The following MTUS1 variants were observed in gnomAD, a reference collection of about 807,000 sequenced individuals.
MTUS1 encodes microtubule associated scaffold protein 1, also known as microtubule-associated tumor suppressor 1.
MTUS1 carries 109 observed loss-of-function variants against 120.8 expected under a neutral mutation model. That is an observed-to-expected ratio of 0.90 (90% CI 0.77 to 1.06). MTUS1 has a LOEUF of 1.06. MTUS1 is among the 50% of genes least tolerant of loss of function. The pLI, the probability that MTUS1 is intolerant of heterozygous loss-of-function variation, is 0.00. For missense variants in MTUS1, 2,210 were observed against 1,486.3 expected (o/e 1.49, Z -8.01); for synonymous variants, 737 against 550.5 (o/e 1.34, Z -4.74).
chr8:17,791,707 C>T (rs1485790673), intron 1 of MTUS1, among the ~76,000 whole-genome samples: 2 of 152,140 alleles, frequency 1.3e-5, no homozygotes, highest in Non-Finnish European at 2.9e-5. Flanking sequence ...AAATCAATTC[C>T]TCCTAAGGAA....
chr8:17,778,746 T>C (rs890216259), intron 1 of MTUS1, among the ~76,000 whole-genome samples: 1 of 151,692 alleles, frequency 6.6e-6, no homozygotes, highest in African/African-American at 2.4e-5. Flanking sequence ...GAGGGGGAGG[T>C]TGCAGTGAGC....
At chr8:17,646,279 T>A in intron 14 of MTUS1, 140 bp from the exon 15 acceptor site, 1 of 1,007,756 alleles carries the variant, frequency 9.9e-7, no homozygotes, top group South Asian at 1.8e-5. Context: ...TCACAGGTAT[T>A]TGGCTGGCTA....
intron 1 of MTUS1, among the ~76,000 whole-genome samples, chr8:17,765,114 G>A (rs897969776): frequency 4.6e-5 from 7 of 152,084 alleles, no homozygotes; most frequent in South Asian, 4.1e-4. Flanking sequence ...TAGATACCTC[G>A]CATGCACAGT....
chr8:17,681,716 T>C (rs17633543), intron 7 of MTUS1: 9,171 of 154,808 alleles, frequency 0.059, 482 homozygotes, highest in East Asian at 0.24. Flanking sequence ...CATCTGGGCA[T>C]GATAATAACA....
intron 3 of MTUS1, among the ~76,000 whole-genome samples, chr8:17,728,812 A>C (rs2979776): frequency 0.49 from 74,375 of 151,762 alleles, 18,620 homozygotes; most frequent in Middle Eastern, 0.66. Context: ...AGGCTTTTTT[A>C]GCATTTACAT....
chr8:17,718,284 C>A (rs1173553731), intron 4 of MTUS1, among the ~76,000 whole-genome samples: 1 of 152,126 alleles, frequency 6.6e-6, no homozygotes, highest in South Asian at 2.1e-4. Context: ...GTCATTATAT[C>A]CAAACAATAA....
At chr8:17,750,227 G>A (rs544903087) in intron 2 of MTUS1, among the ~76,000 whole-genome samples, 1 of 152,168 alleles carries the variant, frequency 6.6e-6, no homozygotes, top group Non-Finnish European at 1.5e-5. Flanking sequence ...ACAGCTGGAG[G>A]TCATGTTTTG....
intron 1 of MTUS1, among the ~76,000 whole-genome samples, chr8:17,760,716 T>C (rs950078010): frequency 3.3e-5 from 5 of 151,738 alleles, no homozygotes; most frequent in Non-Finnish European, 7.4e-5. Flanking sequence ...TTGCTATTTG[T>C]AAAGCCTTCA....
chr8:17,665,743 G>C (rs1362890798), intron 8 of MTUS1, among the ~76,000 whole-genome samples: 1 of 152,210 alleles, frequency 6.6e-6, no homozygotes, highest in African/African-American at 2.4e-5. Context: ...CTGAGATGTA[G>C]AAGACAAAGT....
chr8:17,721,898 T>C, intron 4 of MTUS1: 1 of 1,612,592 alleles, frequency 6.2e-7, no homozygotes, highest in Non-Finnish European at 8.5e-7. Flanking sequence ...CCTGGTACAG[T>C]CATTTAAAAG....
intron 6 of MTUS1, among the ~76,000 whole-genome samples, chr8:17,689,510 C>G (rs1192654252): frequency 2.6e-5 from 4 of 152,172 alleles, no homozygotes; most frequent in African/African-American, 9.6e-5. Context: ...TTGCCCTAAA[C>G]TATTTTCCAT....
intron 4 of MTUS1, among the ~76,000 whole-genome samples, chr8:17,720,197 T>G (rs2045720626): frequency 6.6e-6 from 1 of 151,896 alleles, no homozygotes; most frequent in Non-Finnish European, 1.5e-5. Flanking sequence ...ATACAAAAAT[T>G]AGCCGGGCAT....
intron 6 of MTUS1, among the ~76,000 whole-genome samples, chr8:17,690,133 G>T (rs1563208381): frequency 1.3e-5 from 2 of 152,068 alleles, no homozygotes; most frequent in African/African-American, 4.8e-5. Context: ...ATTTGACAAA[G>T]ATCTAATATT....
chr8:17,736,048 C>A (rs1046188988), intron 3 of MTUS1, among the ~76,000 whole-genome samples: 3 of 152,186 alleles, frequency 2.0e-5, no homozygotes, highest in African/African-American at 7.2e-5. Context: ...TTTGCTTAAT[C>A]CTGTTTGTAG....
At position 17,648,874 on chromosome 8, in the gene MTUS1, G is replaced by T. The variant is rs139045808; in HGVS notation, c.3501+972C>A. 5.9e-3 allele frequency among the ~76,000 whole-genome samples: 892 copies of T among 152,346 alleles called. 1 individual carries two copies. Among genetic ancestry groups the T allele is most frequent in the Non-Finnish European group, 9.6e-3 (651 of 68,042 alleles). On this transcript the variant is annotated intron_variant, in intron 13 of 14. Transcript: ENST00000693296. Reference sequence around the variant, plus strand: ...ACAGTCAACAGCAAGGCACCGCGAGGGCGGGGATCACTTAAGCTGCCTTGC... The same window carrying T: ...ACAGTCAACAGCAAGGCACCGCGAGTGCGGGGATCACTTAAGCTGCCTTGC...
Position 17,647,309 on chromosome 8 carries a change from C to G in MTUS1, c.3502-230G>C, listed in dbSNP as rs1200042137. ...ATGCCAGGACACTTAAATATTGATA[C>G]GAGTGGGTAACAGATTTGTTCCAGG... On this transcript the variant is annotated intron_variant, in intron 13 of 14. Transcript: ENST00000693296. 25 of 432,528 alleles carry G rather than the reference C, an allele frequency of 5.8e-5. No homozygotes were observed. The East Asian group carries it at 9.4e-4, about 16-fold the overall frequency. 26.8% of individuals were successfully genotyped at this position (432,528 alleles called of 1,614,324 possible).
At chr8:17,776,993 G>C (rs545318144) in intron 1 of MTUS1, among the ~76,000 whole-genome samples, 2 of 152,142 alleles carry the variant, frequency 1.3e-5, no homozygotes, top group East Asian at 3.9e-4. Context: ...CCTGGGTGTG[G>C]GCTTAGTCCA....
chr8:17,664,597 TTC>T (rs1810488486), intron 8 of MTUS1, among the ~76,000 whole-genome samples: 2 of 151,924 alleles, frequency 1.3e-5, no homozygotes, highest in South Asian at 4.2e-4. Flanking sequence ...GCTCCTTCAC[TTC>T]TTTCTTCAAC....
chr8:17,752,844 C>A (rs1457384127), intron 2 of MTUS1, among the ~76,000 whole-genome samples: 4 of 152,210 alleles, frequency 2.6e-5, no homozygotes, highest in African/African-American at 7.2e-5. Context: ...TAAGTCCCCA[C>A]TGCCAAAAAT....
Sources: allele counts gnomAD v4.1 joint callset (sites outside exome capture counted in the v4.1 genomes callset), GRCh38; gene constraint gnomAD v4.1.1; transcripts MANE v1.5; gene names NCBI Gene and HGNC (gene_info 2026-07-23, HGNC 2026-07-21).